LCMT1: variants seen among roughly 807,000 people sequenced by gnomAD.
LCMT1 encodes the protein [Phosphatase 2A protein]-leucine-carboxy methyltransferase 1.
LCMT1 carries 32 observed loss-of-function variants against 47.7 expected under a neutral mutation model. The observed-to-expected ratio is 0.67, with a 90% confidence interval of 0.51 to 0.90. The LOEUF is 0.90. Ranked by LOEUF, LCMT1 falls within the 40% of genes least tolerant of loss-of-function variation. The probability of loss-of-function intolerance (pLI) is 0.00; values close to 1 mark genes in which losing one functional copy is unlikely to be tolerated. For missense variants in LCMT1, 375 were observed against 415.2 expected, an observed-to-expected ratio of 0.90 and a Z score of 0.84; for synonymous variants, 152 against 149.7, an observed-to-expected ratio of 1.02 and a Z score of -0.11.
intron 5 of LCMT1, among the ~76,000 whole-genome samples, chr16:25,160,266 G>A (rs1961385365): frequency 6.6e-6 from 1 of 151,332 alleles, no homozygotes; most frequent in Non-Finnish European, 1.5e-5. Flanking sequence ...GTAAATTTCT[G>A]CTAGTGAAAG....
At chr16:25,114,667 G>T (rs973955541) in intron 1 of LCMT1, among the ~76,000 whole-genome samples, 3 of 151,972 alleles carry the variant, frequency 2.0e-5, no homozygotes, top group Admixed American at 6.6e-5. Flanking sequence ...CTTCTATTTT[G>T]TTAGCCTCTC....
At chr16:25,162,123 G>T (rs1159153008) in intron 6 of LCMT1, among the ~76,000 whole-genome samples, 1 of 152,146 alleles carries the variant, frequency 6.6e-6, no homozygotes, top group Admixed American at 6.5e-5. Flanking sequence ...ACTTTCGTGG[G>T]TGTCTCCTTG....
At chr16:25,170,955 G>A (rs1031063191) in intron 9 of LCMT1, 150 bp downstream of exon 9, 3 of 592,372 alleles carry the variant, frequency 5.1e-6, no homozygotes, top group Non-Finnish European at 5.8e-6. Flanking sequence ...ACAAGGCCAG[G>A]CACGGTGGCT....
chr16:25,160,965 A>T, intron 5 of LCMT1, 137 bp from the exon 6 acceptor site: 1 of 610,652 alleles, frequency 1.6e-6, no homozygotes, highest in Non-Finnish European at 2.8e-6. Flanking sequence ...ATTTTGGTTA[A>T]TTTTTACCCT....
chr16:25,165,604 G>A (rs892999703), intron 7 of LCMT1, among the ~76,000 whole-genome samples: 11 of 151,084 alleles, frequency 7.3e-5, no homozygotes, highest in Non-Finnish European at 1.2e-4. Context: ...TGCAACCTCC[G>A]CCTCCTGGGT....
chr16:25,157,849 T>G (rs1227801712), intron 5 of LCMT1, among the ~76,000 whole-genome samples: 1 of 152,228 alleles, frequency 6.6e-6, no homozygotes, highest in Non-Finnish European at 1.5e-5. Context: ...CCCACCTTTC[T>G]TGCTTCCCAG....
At chr16:25,133,433 C>CT (rs1415004717) in intron 3 of LCMT1, among the ~76,000 whole-genome samples, 2 of 104,054 alleles carry the variant, frequency 1.9e-5, no homozygotes, top group African/African-American at 7.4e-5. Context: ...TCTTGCTCCT[C>CT]TGTTGCCCAG....
chr16:25,141,515 T>C (rs1002542977), intron 4 of LCMT1: 7 of 152,166 alleles, frequency 4.6e-5, no homozygotes, highest in African/African-American at 1.7e-4. Flanking sequence ...CCACCTAATT[T>C]TTTTTTCTTT....
chr16:25,173,205 A>AT (rs1325558945), intron 9 of LCMT1, among the ~76,000 whole-genome samples: 1 of 152,206 alleles, frequency 6.6e-6, no homozygotes, highest in East Asian at 1.9e-4. Context: ...AGCACCAGAG[A>AT]TACAGCAATG....
At chr16:25,151,925 A>G (rs1482395917) in intron 5 of LCMT1, among the ~76,000 whole-genome samples, 3 of 142,370 alleles carry the variant, frequency 2.1e-5, no homozygotes, top group Middle Eastern at 3.4e-3. Flanking sequence ...AGGTGGGTGA[A>G]CATACATATT....
chr16:25,162,828 A>C (rs1450839794), intron 6 of LCMT1, among the ~76,000 whole-genome samples: 1 of 152,148 alleles, frequency 6.6e-6, no homozygotes, highest in Non-Finnish European at 1.5e-5. Flanking sequence ...AAATTTGTAA[A>C]TATATGTTTT....
intron 1 of LCMT1, among the ~76,000 whole-genome samples, chr16:25,113,989 G>A (rs921106443): frequency 6.6e-6 from 1 of 152,206 alleles, no homozygotes; most frequent in African/African-American, 2.4e-5. Context: ...ATGGGTGTCA[G>A]GATTAAATGA....
chr16:25,174,731 CA>C (rs1270273904), intron 9 of LCMT1: 2 of 333,264 alleles, frequency 6.0e-6, no homozygotes, highest in Non-Finnish European at 1.1e-5. Context: ...TCTAGTTTGG[CA>C]TTTGTATTTT....
At chr16:25,153,486 TC>T (rs1398877175) in intron 5 of LCMT1, among the ~76,000 whole-genome samples, 1 of 152,030 alleles carries the variant, frequency 6.6e-6, no homozygotes, top group African/African-American at 2.4e-5. Flanking sequence ...CCAATCCCAA[TC>T]CCAATCCCAA....
At chr16:25,157,601 T>G (rs937273332) in intron 5 of LCMT1, among the ~76,000 whole-genome samples, 1 of 152,180 alleles carries the variant, frequency 6.6e-6, no homozygotes, top group Non-Finnish European at 1.5e-5. Context: ...TATATAAACT[T>G]AATGAGGCAG....
intron 1 of LCMT1, among the ~76,000 whole-genome samples, chr16:25,118,431 G>A (rs1007323148): frequency 6.6e-5 from 10 of 152,104 alleles, no homozygotes; most frequent in Admixed American, 2.0e-4. Flanking sequence ...TTTGTTGAGC[G>A]CCTGCTTCGG....
chr16:25,153,493 CCCA>C (rs1961141698), intron 5 of LCMT1, among the ~76,000 whole-genome samples: 1 of 152,118 alleles, frequency 6.6e-6, no homozygotes, highest in East Asian at 1.9e-4. Context: ...CAATCCCAAT[CCCA>C]AGCAAGTGGC....
At chr16:25,139,227 A>G (rs1353250013) in intron 3 of LCMT1, among the ~76,000 whole-genome samples, 1 of 152,168 alleles carries the variant, frequency 6.6e-6, no homozygotes, top group Non-Finnish European at 1.5e-5. Context: ...CTTTTCAAAC[A>G]AGTAAATCCT....
At chr16:25,132,563 A>G (rs1410606232) in intron 3 of LCMT1, 40 bp downstream of exon 3, 1 of 1,597,978 alleles carries the variant, frequency 6.3e-7, no homozygotes, top group East Asian at 2.2e-5. Flanking sequence ...AAGTGTTTAG[A>G]TTTTTTTCGT....
Sources: allele counts gnomAD v4.1 joint callset (sites outside exome capture counted in the v4.1 genomes callset), GRCh38; gene constraint gnomAD v4.1.1; transcripts MANE v1.5; gene names NCBI Gene and HGNC (gene_info 2026-07-23, HGNC 2026-07-21).